The following ADAM12 variants were observed in gnomAD, a reference collection of about 807,000 sequenced individuals.
ADAM12 encodes the protein disintegrin and metalloproteinase domain-containing protein 12.
ADAM12 carries 70 observed loss-of-function variants against 106.4 expected under a neutral mutation model. That is an observed-to-expected ratio of 0.66 (90% CI 0.54 to 0.80). The LOEUF is 0.80. Ranked by LOEUF, ADAM12 falls within the 30% of genes least tolerant of loss-of-function variation. The pLI is 0.00. For missense variants in ADAM12, 1,010 were observed against 1,171.9 expected (o/e 0.86, Z 2.02); for synonymous variants, 420 against 433.5 (o/e 0.97, Z 0.39).
chr10:126,325,736 T>C (rs1031995564), intron 2 of ADAM12, among the ~76,000 whole-genome samples: 1 of 152,198 alleles, frequency 6.6e-6, no homozygotes, highest in African/African-American at 2.4e-5. Flanking sequence ...GGTTCCGCGG[T>C]TAATTTTTTC....
At chr10:126,224,442 G>T (rs1958153580) in intron 3 of ADAM12, among the ~76,000 whole-genome samples, 2 of 152,150 alleles carry the variant, frequency 1.3e-5, no homozygotes, top group Non-Finnish European at 2.9e-5. Flanking sequence ...CCTTTCTGGA[G>T]AAGAGGTCCC....
At chr10:126,260,830 CA>C (rs1958986992) in intron 3 of ADAM12, among the ~76,000 whole-genome samples, 1 of 152,034 alleles carries the variant, frequency 6.6e-6, no homozygotes, top group Non-Finnish European at 1.5e-5. Context: ...TAGATTACAC[CA>C]AAAAATATAC....
At chr10:126,194,115 T>C (rs1957554411) in intron 3 of ADAM12, among the ~76,000 whole-genome samples, 2 of 151,788 alleles carry the variant, frequency 1.3e-5, no homozygotes, top group Admixed American at 1.3e-4. Flanking sequence ...CAGGTGCTTA[T>C]TAGGAGAAGA....
intron 3 of ADAM12, among the ~76,000 whole-genome samples, chr10:126,229,984 A>G (rs1958278087): frequency 6.6e-6 from 1 of 152,196 alleles, no homozygotes; most frequent in Non-Finnish European, 1.5e-5. Context: ...TTAAGGTGTC[A>G]GTCCACATCC....
rs113323180 is a variant in ADAM12 at position 126,158,410 on chromosome 10, C to T, written c.261-3105G>A. On this transcript the variant is annotated intron_variant, in intron 3 of 22. Transcript: ENST00000448723. The stretch of plus-strand genomic sequence containing the variant: ...GCATGGGGAGAGGATGCACAGAGCA[C>T]GGAGAGAGGATGCACAGAGCACGGG... Among the ~76,000 whole-genome samples the T allele has an allele frequency of 4.9e-4, 41 of 83,572 alleles. No homozygotes were observed. In the East Asian group the frequency reaches 0.013, roughly 27 times the overall value. The allele number at this position is 83,572 out of a possible 152,430, so 54.8% of individuals were successfully genotyped here.
chr10:126,109,438 T>C (rs968280797), intron 7 of ADAM12, among the ~76,000 whole-genome samples: 1 of 152,222 alleles, frequency 6.6e-6, no homozygotes, highest in African/African-American at 2.4e-5. Flanking sequence ...TTTTTAAATG[T>C]CCCATTTTAA....
At chr10:126,052,228 G>C (rs1954521689) in intron 14 of ADAM12, among the ~76,000 whole-genome samples, 1 of 152,170 alleles carries the variant, frequency 6.6e-6, no homozygotes, top group African/African-American at 2.4e-5. Flanking sequence ...AGTGGATGTG[G>C]GGTGTGCTGC....
chr10:126,224,879 C>T (rs1353312684), intron 3 of ADAM12, among the ~76,000 whole-genome samples: 9 of 152,210 alleles, frequency 5.9e-5, no homozygotes, highest in Admixed American at 2.0e-4. Context: ...CAGCAGGAGA[C>T]GAGGGAGCAA....
At chr10:126,108,933 T>C (rs1460385731) in intron 7 of ADAM12, among the ~76,000 whole-genome samples, 2 of 152,242 alleles carry the variant, frequency 1.3e-5, no homozygotes, top group African/African-American at 4.8e-5. Context: ...GTGACTTGTT[T>C]TGGCAAAGAG....
chr10:126,141,366 C>T (rs1257394125), intron 4 of ADAM12, among the ~76,000 whole-genome samples: 1 of 152,236 alleles, frequency 6.6e-6, no homozygotes, highest in African/African-American at 2.4e-5. Context: ...GCCAGGCCGT[C>T]TTTGCCTAGT....
At chr10:126,322,872 T>C (rs1790949587) in intron 2 of ADAM12, among the ~76,000 whole-genome samples, 1 of 152,116 alleles carries the variant, frequency 6.6e-6, no homozygotes, top group African/African-American at 2.4e-5. Context: ...GGTGCCAGCT[T>C]TTACCTCTCC....
chr10:126,166,600 G>A (rs1957029230), intron 3 of ADAM12, among the ~76,000 whole-genome samples: 1 of 152,122 alleles, frequency 6.6e-6, no homozygotes. Flanking sequence ...CCCGGTTTAA[G>A]TGATTCTCCT....
rs1350917482 is a variant in ADAM12, at chr10:126,053,854, C to T, written c.1610-4185G>A. Among the ~76,000 whole-genome samples the T allele has an allele frequency of 6.6e-6, 1 of 152,036 alleles. No individual in the cohort carries two copies. Among genetic ancestry groups the T allele is most frequent in the Non-Finnish European group, 1.5e-5 (1 of 68,016 alleles). ...TCATTTAGCTGGAATTACAGGTGCC[C>T]ACCACCACGACTGGCTAATATTTTG... is the stretch of plus-strand genomic sequence containing the variant. On this transcript the variant is annotated intron_variant, in intron 14 of 22. Coordinates refer to ENST00000448723, the MANE Select transcript of ADAM12 (RefSeq NM_001288973.2). The surrounding 1 kb of genome is among the most constrained non-coding windows in gnomAD (Gnocchi z 4.6).
At chr10:126,112,555 C>T (rs1049679716) in intron 6 of ADAM12, among the ~76,000 whole-genome samples, 4 of 152,060 alleles carry the variant, frequency 2.6e-5, no homozygotes, top group South Asian at 2.1e-4. Flanking sequence ...TCCTGGGCCT[C>T]TCAAAGTCAT....
intron 2 of ADAM12, among the ~76,000 whole-genome samples, chr10:126,286,030 G>A (rs1199283509): frequency 6.9e-6 from 1 of 145,982 alleles, no homozygotes; most frequent in African/African-American, 2.6e-5. Context: ...TCTTTAATGT[G>A]TGCGATTGGA....
chr10:126,146,873 G>A (rs1484446255), intron 4 of ADAM12, among the ~76,000 whole-genome samples: 1 of 152,204 alleles, frequency 6.6e-6, no homozygotes, highest in African/African-American at 2.4e-5. Context: ...CTTATGAGAT[G>A]TGCGTGATCT....
At chr10:126,065,751 G>A (rs1460064982) in intron 13 of ADAM12, among the ~76,000 whole-genome samples, 1 of 152,142 alleles carries the variant, frequency 6.6e-6, no homozygotes, top group Non-Finnish European at 1.5e-5. Context: ...TTGTTAAAAA[G>A]TCATAACCTA....
At chr10:126,026,437 A>G (rs533862200) in intron 21 of ADAM12, among the ~76,000 whole-genome samples, 1 of 152,330 alleles carries the variant, frequency 6.6e-6, no homozygotes, top group South Asian at 2.1e-4. Flanking sequence ...GATCTGTTAT[A>G]CAACTACAGA....
intron 8 of ADAM12, among the ~76,000 whole-genome samples, chr10:126,105,982 T>C (rs1955758643): frequency 6.6e-6 from 1 of 152,208 alleles, no homozygotes; most frequent in Admixed American, 6.5e-5. Flanking sequence ...AAGTTCCATG[T>C]AGCCATAGCC....
Sources: allele counts gnomAD v4.1 joint callset (sites outside exome capture counted in the v4.1 genomes callset), GRCh38; gene constraint gnomAD v4.1.1; non-coding constraint Gnocchi (gnomAD v3.1); transcripts MANE v1.5; gene names NCBI Gene and HGNC (gene_info 2026-07-23, HGNC 2026-07-21).